Variants in NPSR1 observed in about 807,000 individuals in gnomAD.
NPSR1 encodes neuropeptide S receptor.
NPSR1 carries 48 observed loss-of-function variants against 46.9 expected under a neutral mutation model. The ratio of observed to expected loss-of-function variants is 1.02; its 90% CI spans 0.81 to 1.30. The LOEUF is 1.30. Among genes scored for constraint, NPSR1 ranks in the 50% most tolerant of loss-of-function variants. The pLI is 0.00. For missense variants in NPSR1, 450 were observed against 449.5 expected, an observed-to-expected ratio of 1.00 and a Z score of -0.01; for synonymous variants, 176 against 168.1, an observed-to-expected ratio of 1.05 and a Z score of -0.36.
intron 8 of NPSR1, among the ~76,000 whole-genome samples, chr7:34,870,907 G>T (rs1320690493): frequency 7.0e-6 from 1 of 142,792 alleles, no homozygotes; most frequent in Non-Finnish European, 1.6e-5. Context: ...TGGATGAATG[G>T]ATGGATGGAT....
At chr7:34,839,453 C>T (rs371284616) in intron 6 of NPSR1, among the ~76,000 whole-genome samples, 5 of 152,098 alleles carry the variant, frequency 3.3e-5, no homozygotes, top group Non-Finnish European at 7.4e-5. Flanking sequence ...AGTCAGAGTG[C>T]GGTATTGGCA....
In NPSR1 at chr7:34,844,580, A is replaced by G. The variant is rs1292260299; in HGVS notation, c.758-316A>G. Among the ~76,000 whole-genome samples the G allele has an allele frequency of 2.0e-5, 3 of 152,186 alleles. No individual in the cohort carries two copies. The East Asian group carries it at 5.8e-4, about 29-fold the overall frequency. ...CAGGGCTTAGAGAGTAGCACTCCTC[A>G]GGGAAGCCCTCAGCTCCTGCATGGT... On this transcript the variant is annotated intron_variant, in intron 6 of 8. Coordinates refer to ENST00000360581, the MANE Select transcript of NPSR1 (RefSeq NM_207172.2).
chr7:34,747,296 C>T (rs538074467), intron 2 of NPSR1, among the ~76,000 whole-genome samples: 15 of 152,144 alleles, frequency 9.9e-5, no homozygotes, highest in African/African-American at 2.6e-4. Flanking sequence ...GTCCAGAGAG[C>T]GAGTAAGGCA....
chr7:34,824,181 C>G (rs142321413), intron 4 of NPSR1, among the ~76,000 whole-genome samples: 1 of 152,040 alleles, frequency 6.6e-6, no homozygotes, highest in Non-Finnish European at 1.5e-5. Context: ...CTGGTTGGTG[C>G]CACTATGGAT....
At chr7:34,700,776 T>C (rs1793788711) in intron 2 of NPSR1, among the ~76,000 whole-genome samples, 1 of 152,200 alleles carries the variant, frequency 6.6e-6, no homozygotes, top group Non-Finnish European at 1.5e-5. Context: ...TCTCTGAATA[T>C]CAATTTCCCA....
chr7:34,742,662 A>C (rs1445780985), intron 2 of NPSR1, among the ~76,000 whole-genome samples: 2 of 152,124 alleles, frequency 1.3e-5, no homozygotes, highest in Non-Finnish European at 2.9e-5. Context: ...AGAATGATTT[A>C]TATTTCTCTG....
intron 2 of NPSR1, among the ~76,000 whole-genome samples, chr7:34,742,944 A>G (rs946025815): frequency 1.3e-5 from 2 of 152,140 alleles, no homozygotes; most frequent in African/African-American, 4.8e-5. Context: ...TGTTGGCTGC[A>G]TGTGTCTTCT....
chr7:34,694,475 C>G (rs1322807385), intron 2 of NPSR1, among the ~76,000 whole-genome samples: 6 of 152,104 alleles, frequency 3.9e-5, no homozygotes, highest in Non-Finnish European at 8.8e-5. Flanking sequence ...GATGAAATAT[C>G]TCTACAAGGA....
intron 2 of NPSR1, among the ~76,000 whole-genome samples, chr7:34,747,721 TA>T (rs553582965): frequency 2.4e-4 from 37 of 152,274 alleles, no homozygotes; most frequent in African/African-American, 8.7e-4. Context: ...GGACAAAGAG[TA>T]AACACTTAAT....
chr7:34,810,825 G>A (rs1788946318), intron 3 of NPSR1, among the ~76,000 whole-genome samples: 1 of 152,148 alleles, frequency 6.6e-6, no homozygotes, highest in Admixed American at 6.5e-5. Flanking sequence ...CACTCATCAT[G>A]GCCAGCAGTA....
chr7:34,766,460 T>A (rs116267436), intron 2 of NPSR1, among the ~76,000 whole-genome samples: 1,566 of 152,282 alleles, frequency 0.01, 27 homozygotes, highest in African/African-American at 0.036. Context: ...CCAAACATAT[T>A]TCAGTGAGTG....
chr7:34,868,521 C>A (rs190392745), intron 8 of NPSR1, among the ~76,000 whole-genome samples: 1 of 151,548 alleles, frequency 6.6e-6, no homozygotes, highest in Non-Finnish European at 1.5e-5. Flanking sequence ...CTAGCATGAC[C>A]CTCAGCAGGA....
At chr7:34,805,459 A>T (rs1024958765) in intron 3 of NPSR1, among the ~76,000 whole-genome samples, 1 of 127,162 alleles carries the variant, frequency 7.9e-6, no homozygotes, top group Non-Finnish European at 1.6e-5. Context: ...TAGTTGAAAG[A>T]GTGGTTGAAT....
chr7:34,781,142 A>C (rs1787211190), intron 3 of NPSR1, among the ~76,000 whole-genome samples: 1 of 152,176 alleles, frequency 6.6e-6, no homozygotes, highest in Non-Finnish European at 1.5e-5. Context: ...GCTTTGTGCA[A>C]GCAGGAAGTG....
chr7:34,821,584 A>G (rs1682071126), intron 4 of NPSR1, among the ~76,000 whole-genome samples: 1 of 152,210 alleles, frequency 6.6e-6, no homozygotes, highest in Non-Finnish European at 1.5e-5. Flanking sequence ...GGGAAGTCCC[A>G]GGAAACTTGT....
intron 8 of NPSR1, among the ~76,000 whole-genome samples, chr7:34,866,480 G>A (rs952345555): frequency 2.3e-4 from 35 of 151,714 alleles, no homozygotes; most frequent in South Asian, 1.0e-3. Flanking sequence ...GAACCTGTCC[G>A]TTGTTCAGTG....
At chr7:34,779,492 T>C (rs889710909) in intron 3 of NPSR1, 1 of 723,892 alleles carries the variant, frequency 1.4e-6, no homozygotes, top group Middle Eastern at 4.4e-4. Flanking sequence ...TCTTTGTATA[T>C]ATATTCATAA....
At chr7:34,747,952 G>A (rs748417309) in intron 2 of NPSR1, among the ~76,000 whole-genome samples, 3 of 152,114 alleles carry the variant, frequency 2.0e-5, no homozygotes, top group Admixed American at 6.6e-5. Flanking sequence ...TATGGGGACC[G>A]TATCACAAAT....
chr7:34,665,718 C>T (rs940314268), intron 1 of NPSR1, among the ~76,000 whole-genome samples: 1 of 152,178 alleles, frequency 6.6e-6, no homozygotes, highest in African/African-American at 2.4e-5. Flanking sequence ...CATCACATCA[C>T]TACCCTTCTG....
Sources: allele counts gnomAD v4.1 joint callset (sites outside exome capture counted in the v4.1 genomes callset), GRCh38; gene constraint gnomAD v4.1.1; transcripts MANE v1.5; gene names NCBI Gene and HGNC (gene_info 2026-07-23, HGNC 2026-07-21).